Variants in MUC5AC observed in about 807,000 individuals in gnomAD.
The protein encoded by MUC5AC is mucin 5AC, oligomeric mucus/gel-forming.
A neutral mutation model predicts 169.7 loss-of-function variants in MUC5AC; 158 were observed. The observed-to-expected ratio is 0.93, with a 90% CI of 0.82 to 1.06. The LOEUF (loss-of-function observed/expected upper bound fraction) is 1.06, where lower values mean the gene tolerates loss of function less well. Ranked by LOEUF, MUC5AC falls within the 50% of genes least tolerant of loss-of-function variation. The probability of loss-of-function intolerance (pLI) is 0.00; values close to 1 mark genes in which losing one functional copy is unlikely to be tolerated. For missense variants in MUC5AC, 4,359 were observed against 3,089.9 expected (o/e 1.41, Z -9.74); for synonymous variants, 1,975 against 1,237.0 (o/e 1.60, Z -12.52).
intron 19 of MUC5AC, among the ~76,000 whole-genome samples, chr11:1,175,549 GCACA>G (rs1376594092): frequency 1.0e-4 from 13 of 125,436 alleles, no homozygotes; most frequent in Non-Finnish European, 2.0e-4. Context: ...ACCCATTCAT[GCACA>G]CACTCACACT....
chr11:1,193,959 C>A (rs1861190986), intron 33 of MUC5AC, among the ~76,000 whole-genome samples, 151 bp from the exon 34 acceptor site: 1 of 152,230 alleles, frequency 6.6e-6, no homozygotes, highest in Non-Finnish European at 1.5e-5. Flanking sequence ...GGACGCTGGC[C>A]ACGTGTGTTC....
intron 6 of MUC5AC, among the ~76,000 whole-genome samples, chr11:1,163,573 C>T (rs1275044324): frequency 6.6e-6 from 1 of 152,174 alleles, no homozygotes; most frequent in Non-Finnish European, 1.5e-5. Context: ...AGGCTCCAGC[C>T]AGCCTGGCAG....
chr11:1,160,743 C>A, intron 2 of MUC5AC, 54 bp downstream of exon 2: 1 of 1,535,028 alleles, frequency 6.5e-7, no homozygotes, highest in Non-Finnish European at 8.8e-7. Flanking sequence ...CACCCTCCAC[C>A]GTGTGGCACG....
intron 48 of MUC5AC, 48 bp from the exon 49 acceptor site, chr11:1,200,390 G>A (rs1861394332): frequency 1.6e-6 from 1 of 639,668 alleles, no homozygotes; most frequent in African/African-American, 1.8e-5. Flanking sequence ...CTTACGGCAG[G>A]AGGCTGGGGT....
chr11:1,181,103 C>G (rs962654291), intron 28 of MUC5AC, 36 bp from the exon 29 acceptor site: 20 of 398,446 alleles, frequency 5.0e-5, no homozygotes, highest in African/African-American at 3.9e-4. Context: ...CACGGCCGCC[C>G]CCACGCATCG....
At position 1,189,604 on chromosome 11, in the gene MUC5AC, A is replaced by T; in HGVS notation, c.11459A>T (p.Gln3820Leu). Residue 3820 changes from glutamine (Q) to leucine (L), a missense_variant, in exon 31 of 49, where the codon CAG (glutamine) becomes CTG (leucine). Gln to Leu is a moderately radical substitution (Grantham distance 113). Coordinates refer to ENST00000621226, the MANE Select transcript of MUC5AC (RefSeq NM_001304359.2). Reference sequence around the variant, plus strand: ...ACAACCAGCACAACCTCCACTCCGCAGACCAGCACAACCTCTTCCCCTACA... The same window carrying T: ...ACAACCAGCACAACCTCCACTCCGCTGACCAGCACAACCTCTTCCCCTACA... The part of the protein sequence containing the change: ...SPTTSTTSTP[Q>L]TSTTSSPTTS... The T allele has an allele frequency of 1.7e-6, 1 of 599,668 alleles. No individual in the cohort carries two copies. Among genetic ancestry groups the T allele is most frequent in the Non-Finnish European group, 2.9e-6 (1 of 339,090 alleles). The allele number at this position is 599,668 out of a possible 1,614,324, so 37.1% of individuals were successfully genotyped here.
In MUC5AC at chr11:1,183,930, A is replaced by G; in HGVS notation, c.5785A>G (p.Thr1929Ala). The change falls in exon 31 of 49, where the codon ACG becomes GCG. Residue 1929 changes from threonine to alanine, a missense_variant. Transcript: ENST00000621226. The part of the protein sequence containing the change: ...PATSTSSMST[T>A]APGTSVVSSK... ...AACATCAACATCATCCATGTCGACCACGGCCCCGGGGACCTCTGTGGTCTC... is the reference window on the plus strand; with the variant it reads ...AACATCAACATCATCCATGTCGACCGCGGCCCCGGGGACCTCTGTGGTCTC... 2.5e-6 allele frequency: 1 copy of G among 397,708 alleles called. No homozygotes were observed. The highest frequency in any genetic ancestry group is 4.4e-6 in the Non-Finnish European group (1 of 228,826). 24.6% of individuals were successfully genotyped at this position (397,708 alleles called of 1,614,324 possible).
intron 15 of MUC5AC, among the ~76,000 whole-genome samples, chr11:1,171,621 G>A (rs1478371139): frequency 6.4e-5 from 1 of 15,748 alleles, no homozygotes; most frequent in African/African-American, 2.7e-4. Flanking sequence ...ACCCACTCAC[G>A]AACTCACTCA....
intron 2 of MUC5AC, 143 bp from the exon 3 acceptor site, chr11:1,161,383 AG>A: frequency 2.6e-6 from 1 of 382,806 alleles, no homozygotes; most frequent in Non-Finnish European, 4.0e-6. Flanking sequence ...GGTGGGTGGG[AG>A]GGGGCCCAAC....
rs370419512 is a variant in MUC5AC at position 1,161,914 on chromosome 11, C to G, written c.219C>G (p.Asn73Lys). 4.2e-4 allele frequency: 669 copies of G among 1,611,530 alleles called. 3 individuals carry two copies. The African/African-American group carries it at 8.4e-3, about 20-fold the overall frequency. ...LRTIPVVRAS[N>K]PAHNGRVCST... ...ATGCTGCTTCCACCGCAGCCTCCAACCCGGCGCACAACGGGCGGGTGTGCA... is the reference window on the plus strand; with the variant it reads ...ATGCTGCTTCCACCGCAGCCTCCAAGCCGGCGCACAACGGGCGGGTGTGCA... Residue 73 changes from asparagine (N) to lysine (K), a missense_variant, in exon 4 of 49, where the codon AAC becomes AAG. Asn to Lys is a moderately conservative substitution (Grantham distance 94). Coordinates refer to ENST00000621226, the MANE Select transcript of MUC5AC (RefSeq NM_001304359.2).
Position 1,161,529 on chromosome 11 carries a change from G to T in MUC5AC, c.154G>T (p.Val52Phe), listed in dbSNP as rs55861305. Residue 52 changes from valine (V) to phenylalanine (F), a missense_variant and splice_region_variant, in exon 3 of 49, where the codon GTC becomes TTC. Transcript: ENST00000621226. ...LSPIARGPSG[V>F]PLRGATVFPS... ...CCTACCAGCCCCTGTCTCCGCAGGG[G>T]TCCCGCTCCGTGGGGCGACTGTCTT... is the stretch of plus-strand genomic sequence containing the variant. 0.02 allele frequency: 31,828 copies of T among 1,605,994 alleles called. 771 individuals carry two copies. Among genetic ancestry groups the T allele is most frequent in the African/African-American group, 0.12 (9,009 of 74,858 alleles).
In MUC5AC at chr11:1,197,898, C is replaced by A. The variant is rs1393568624; in HGVS notation, c.16034-5C>A. ...CTCCTAATTGCCTCACTCCCGCCCC[C>A]GCAGCCTGCAACACCAGCCGCTGCC... On this transcript the variant is annotated splice_polypyrimidine_tract_variant and splice_region_variant and intron_variant, in intron 41 of 48. Coordinates refer to ENST00000621226, the MANE Select transcript of MUC5AC (RefSeq NM_001304359.2). 1.4e-6 allele frequency: 1 copy of A among 714,020 alleles called. No individual in the cohort carries two copies. The highest frequency in any genetic ancestry group is 1.5e-5 in the South Asian group (1 of 68,180). The allele number at this position is 714,020 out of a possible 1,614,324, so 44.2% of individuals were successfully genotyped here. A position where few individuals can be genotyped will look rare whatever the true frequency, so the allele number is the denominator to read the frequency against.
chr11:1,187,396 C>A lies in MUC5AC; in HGVS notation c.9251C>A (p.Thr3084Lys). The A allele has an allele frequency of 1.4e-6, 1 of 739,354 alleles. No individual in the cohort carries two copies. Among genetic ancestry groups the A allele is most frequent in the Non-Finnish European group, 2.5e-6 (1 of 405,182 alleles). 45.8% of individuals were successfully genotyped at this position (739,354 alleles called of 1,614,324 possible). A position where few individuals can be genotyped will look rare whatever the true frequency, so the allele number is the denominator to read the frequency against. Residue 3084 changes from threonine (T) to lysine (K), a missense_variant, in exon 31 of 49, where the codon ACA becomes AAA. Physicochemically the swap from Thr to Lys is moderately conservative, Grantham distance 78. Coordinates refer to ENST00000621226, the MANE Select transcript of MUC5AC (RefSeq NM_001304359.2). ...ACAACCTCTGCTCCTACAACCAGCA[C>A]AACCTCTGCCGCTACAACCAGCACA... ...TSTTSAPTTS[T>K]TSAATTSTIS...
At chr11:1,178,167 C>T (rs1053345617) in intron 24 of MUC5AC, among the ~76,000 whole-genome samples, 3 of 152,240 alleles carry the variant, frequency 2.0e-5, no homozygotes, top group South Asian at 4.1e-4. Context: ...AGGACTTAGG[C>T]GGGTCCTTCG....
Position 1,188,596 on chromosome 11 carries a change from C to T in MUC5AC, c.10451C>T (p.Thr3484Ile). ...AGCAGCACAACCTCCGGTTCTGGAA[C>T]TACTCCCAGCCCTGTTACCACCACC... ...ATSSTTSGSG[T>I]TPSPVTTTST... The change falls in exon 31 of 49, where the codon ACT becomes ATT. Residue 3484 changes from threonine to isoleucine, a missense_variant. By Grantham distance (89) the Thr-to-Ile change is moderately conservative. Coordinates refer to ENST00000621226, the MANE Select transcript of MUC5AC (RefSeq NM_001304359.2). 1.3e-6 allele frequency: 1 copy of T among 764,892 alleles called. No homozygotes were observed. The highest frequency in any genetic ancestry group is 2.4e-6 in the Non-Finnish European group (1 of 417,736). 47.4% of individuals were successfully genotyped at this position (764,892 alleles called of 1,614,324 possible).
chr11:1,199,307 G>A, intron 45 of MUC5AC, 64 bp from the exon 46 acceptor site: 1 of 698,874 alleles, frequency 1.4e-6, no homozygotes, highest in Admixed American at 2.0e-5. Flanking sequence ...CCCACGGGCT[G>A]GGGTGCAGAC....
chr11:1,170,109 A>C (rs1267518012), intron 15 of MUC5AC, among the ~76,000 whole-genome samples: 1 of 115,584 alleles, frequency 8.7e-6, no homozygotes, highest in Non-Finnish European at 1.8e-5. Context: ...TCACTCACCC[A>C]CTCACCCATT....
chr11:1,198,405 G>A (rs1023746154), intron 43 of MUC5AC, 100 bp downstream of exon 43: 5 of 692,124 alleles, frequency 7.2e-6, no homozygotes, highest in South Asian at 4.5e-5. Context: ...AACTCCGGCC[G>A]AGGCCAGGGA....
chr11:1,161,620 G>C (rs1235674368), intron 3 of MUC5AC, 34 bp downstream of exon 3: 2 of 1,591,282 alleles, frequency 1.3e-6, no homozygotes, highest in East Asian at 4.5e-5. Flanking sequence ...GTGGGGAAGG[G>C]TCATAGCTTT....
Sources: allele counts gnomAD v4.1 joint callset (sites outside exome capture counted in the v4.1 genomes callset), GRCh38; gene constraint gnomAD v4.1.1; transcripts MANE v1.5; gene names NCBI Gene and HGNC (gene_info 2026-07-23, HGNC 2026-07-21).